Variants in EYS observed in about 807,000 individuals in gnomAD.
The protein encoded by EYS is protein eyes shut homolog.
EYS carries 250 observed loss-of-function variants against 282.1 expected under a neutral mutation model. The ratio of observed to expected loss-of-function variants is 0.89; its 90% CI spans 0.80 to 0.98. The LOEUF (loss-of-function observed/expected upper bound fraction) is 0.98, where lower values mean the gene tolerates loss of function less well. Among genes scored for constraint, EYS ranks in the 50% least tolerant of loss-of-function variants. EYS has a pLI of 0.00. For missense variants in EYS, 4,016 were observed against 3,709.0 expected (o/e 1.08, Z -2.15); for synonymous variants, 1,355 against 1,282.9 (o/e 1.06, Z -1.20).
chr6:64,009,285 A>ATT (rs35899013), intron 33 of EYS, among the ~76,000 whole-genome samples: 5 of 139,582 alleles, frequency 3.6e-5, no homozygotes, highest in South Asian at 4.5e-4. Flanking sequence ...GAAATTCTCG[A>ATT]TTTTTTTTTT....
At chr6:65,141,177 T>C (rs893734453) in intron 12 of EYS, among the ~76,000 whole-genome samples, 5 of 151,850 alleles carry the variant, frequency 3.3e-5, no homozygotes, top group African/African-American at 1.2e-4. Flanking sequence ...AAATGATGAG[T>C]TCATGTCATT....
At chr6:65,628,915 T>G (rs762240741) in intron 2 of EYS, among the ~76,000 whole-genome samples, 1 of 152,240 alleles carries the variant, frequency 6.6e-6, no homozygotes, top group Non-Finnish European at 1.5e-5. Context: ...ATGGTTTTCA[T>G]GCAAAAATAT....
At chr6:64,889,580 G>A (rs1767214039) in intron 18 of EYS, among the ~76,000 whole-genome samples, 2 of 152,074 alleles carry the variant, frequency 1.3e-5, no homozygotes, top group East Asian at 1.9e-4. Context: ...TTTCATGGAC[G>A]TTTACTAGTT....
intron 22 of EYS, among the ~76,000 whole-genome samples, chr6:64,714,361 T>C: frequency 6.6e-6 from 1 of 152,132 alleles, no homozygotes; most frequent in African/African-American, 2.4e-5. Context: ...AGGAAAACTT[T>C]CCTTTTTGAC....
chr6:65,196,981 G>C (rs555445866), intron 12 of EYS, among the ~76,000 whole-genome samples: 2 of 152,102 alleles, frequency 1.3e-5, no homozygotes, highest in African/African-American at 2.4e-5. Flanking sequence ...ACATCATCAG[G>C]CTCTGTAGAA....
At chr6:65,215,914 T>G (rs1455430565) in intron 12 of EYS, among the ~76,000 whole-genome samples, 1 of 152,218 alleles carries the variant, frequency 6.6e-6, no homozygotes, top group Non-Finnish European at 1.5e-5. Flanking sequence ...ATACTGTTTT[T>G]GTAGATATAA....
intron 24 of EYS, among the ~76,000 whole-genome samples, chr6:64,596,852 G>C (rs1766602334): frequency 2.0e-5 from 3 of 152,066 alleles, no homozygotes; most frequent in Non-Finnish European, 4.4e-5. Flanking sequence ...AACAAAAATA[G>C]ACAAATGGAA....
At chr6:65,035,994 A>G (rs998056314) in intron 13 of EYS, among the ~76,000 whole-genome samples, 1 of 149,830 alleles carries the variant, frequency 6.7e-6, no homozygotes, top group African/African-American at 2.4e-5. Flanking sequence ...AATAATTTAT[A>G]TGGAACCAAA....
At chr6:65,629,721 G>A (rs902542931) in intron 2 of EYS, among the ~76,000 whole-genome samples, 2 of 152,036 alleles carry the variant, frequency 1.3e-5, no homozygotes, top group African/African-American at 4.8e-5. Context: ...TTTGTTTGGC[G>A]GCCCTACAAT....
At chr6:65,432,323 T>G (rs1462746980) in intron 5 of EYS, among the ~76,000 whole-genome samples, 1 of 152,154 alleles carries the variant, frequency 6.6e-6, no homozygotes, top group Non-Finnish European at 1.5e-5. Context: ...TATCACCTCC[T>G]TGAACTTAAA....
intron 31 of EYS, among the ~76,000 whole-genome samples, chr6:64,117,969 G>T (rs1773446464): frequency 6.6e-6 from 1 of 151,546 alleles, no homozygotes; most frequent in African/African-American, 2.4e-5. Flanking sequence ...AAATACCTAA[G>T]ACCAAATTTA....
chr6:64,554,765 T>C lies in EYS; in HGVS notation c.5644+35458A>G, dbSNP rs188348579. Among the ~76,000 whole-genome samples the C allele has an allele frequency of 4.4e-4, 67 of 151,902 alleles. 1 individual carries two copies. In the East Asian group the frequency reaches 0.013, roughly 29 times the overall value. ...AAAGAAGACATACAAATGGACAATA[T>C]ATGAAAAAATGTTTAATGCCACTAT... is the stretch of plus-strand genomic sequence containing the variant. On this transcript the variant is annotated intron_variant, in intron 26 of 42. Coordinates refer to ENST00000503581, the MANE Select transcript of EYS (RefSeq NM_001142800.2).
At chr6:64,202,595 G>T (rs1445016307) in intron 31 of EYS, among the ~76,000 whole-genome samples, 1 of 152,112 alleles carries the variant, frequency 6.6e-6, no homozygotes, top group Non-Finnish European at 1.5e-5. Flanking sequence ...GTTTGTAATG[G>T]GTTGAATTTG....
rs1768472941 is a variant in EYS at position 64,008,871 on chromosome 6, C to A, written c.6726-9688G>T. 3.3e-5 allele frequency among the ~76,000 whole-genome samples: 5 copies of A among 152,236 alleles called. No individual in the cohort carries two copies. In the South Asian group the frequency reaches 1.0e-3, roughly 32 times the overall value. ...TGGGGTTCCCTTTGTAGGTGACCTGCCCCTTCTCTCTAGCTGCCTTTAACA... is the reference window on the plus strand; with the variant it reads ...TGGGGTTCCCTTTGTAGGTGACCTGACCCTTCTCTCTAGCTGCCTTTAACA... On this transcript the variant is annotated intron_variant, in intron 33 of 42. Coordinates refer to ENST00000503581, the MANE Select transcript of EYS (RefSeq NM_001142800.2).
chr6:65,616,708 C>T (rs1466294593), intron 2 of EYS, among the ~76,000 whole-genome samples: 2 of 151,850 alleles, frequency 1.3e-5, no homozygotes, highest in East Asian at 1.9e-4. Context: ...ATAGCTTGAA[C>T]CCGGGAGGTC....
At chr6:64,444,991 A>G (rs1167436803) in intron 26 of EYS, among the ~76,000 whole-genome samples, 6 of 152,206 alleles carry the variant, frequency 3.9e-5, no homozygotes, top group Non-Finnish European at 8.8e-5. Context: ...TGAACCATGA[A>G]CCAATTAAAC....
At chr6:65,576,422 T>C (rs1160758197) in intron 2 of EYS, among the ~76,000 whole-genome samples, 1 of 151,842 alleles carries the variant, frequency 6.6e-6, no homozygotes, top group Non-Finnish European at 1.5e-5. Flanking sequence ...ATGGAAAGAA[T>C]GTACCTCAAC....
At chr6:64,558,991 G>T (rs78142070) in intron 26 of EYS, among the ~76,000 whole-genome samples, 2,350 of 152,134 alleles carry the variant, frequency 0.015, 55 homozygotes, top group African/African-American at 0.053. Context: ...AATATAACTT[G>T]TTAACTAATA....
chr6:64,269,181 G>A (rs533918190), intron 30 of EYS, among the ~76,000 whole-genome samples: 9 of 152,164 alleles, frequency 5.9e-5, no homozygotes, highest in African/African-American at 1.4e-4. Context: ...CTTTGAAGCA[G>A]GTACCAGCTT....
Sources: allele counts gnomAD v4.1 joint callset (sites outside exome capture counted in the v4.1 genomes callset), GRCh38; gene constraint gnomAD v4.1.1; transcripts MANE v1.5; gene names NCBI Gene and HGNC (gene_info 2026-07-23, HGNC 2026-07-21).